DLG2: variants seen among roughly 807,000 people sequenced by gnomAD.
DLG2 encodes discs large MAGUK scaffold protein 2, also known as disks large homolog 2.
Under a neutral mutation model 132.5 loss-of-function variants are expected in DLG2, and 45 were observed. The observed-to-expected ratio is 0.34, with a 90% confidence interval of 0.27 to 0.44. The LOEUF is 0.44. Ranked by LOEUF, DLG2 falls within the 20% of genes least tolerant of loss-of-function variation. The pLI is 1.00. For synonymous variants in DLG2, 424 were observed against 419.6 expected (o/e 1.01, Z -0.13); for missense variants, 1,045 against 1,196.9 (o/e 0.87, Z 1.87).
At chr11:83,832,352 A>T (rs1595105786) in intron 17 of DLG2, among the ~76,000 whole-genome samples, 1 of 152,342 alleles carries the variant, frequency 6.6e-6, no homozygotes, top group East Asian at 1.9e-4. Context: ...ATGTGTGCAT[A>T]CATATCTCCA....
chr11:84,579,714 T>C (rs959043876), intron 6 of DLG2, among the ~76,000 whole-genome samples: 10 of 152,152 alleles, frequency 6.6e-5, no homozygotes, highest in Non-Finnish European at 8.8e-5. Flanking sequence ...TCATAAAGTA[T>C]TGGACAGCCA....
At chr11:85,623,480 T>A (rs937143434) in intron 2 of DLG2, among the ~76,000 whole-genome samples, 1 of 152,124 alleles carries the variant, frequency 6.6e-6, no homozygotes, top group Non-Finnish European at 1.5e-5. Context: ...AATTTTTGTA[T>A]TTTTAGTAGA....
intron 3 of DLG2, among the ~76,000 whole-genome samples, chr11:85,504,765 T>C (rs1270324789): frequency 6.6e-6 from 1 of 152,232 alleles, no homozygotes; most frequent in Non-Finnish European, 1.5e-5. Context: ...CATTGGTAGC[T>C]TGATGGGGAT....
At chr11:85,433,878 C>T (rs1040361285) in intron 3 of DLG2, among the ~76,000 whole-genome samples, 16 of 152,158 alleles carry the variant, frequency 1.1e-4, no homozygotes, top group Non-Finnish European at 1.8e-4. Context: ...CTTCTCAGTG[C>T]CACATGGCAT....
At chr11:84,536,606 G>A (rs921953111) in intron 6 of DLG2, among the ~76,000 whole-genome samples, 8 of 152,008 alleles carry the variant, frequency 5.3e-5, no homozygotes, top group African/African-American at 1.2e-4. Context: ...TCACACTTGC[G>A]CCCATTTTAG....
At chr11:83,780,723 C>A (rs944458068) in intron 18 of DLG2, among the ~76,000 whole-genome samples, 2 of 152,130 alleles carry the variant, frequency 1.3e-5, no homozygotes, top group African/African-American at 2.4e-5. Flanking sequence ...GCGGGGTAGA[C>A]AAAGTAGAGC....
At chr11:85,250,086 G>A (rs1019081791) in intron 4 of DLG2, among the ~76,000 whole-genome samples, 1 of 152,260 alleles carries the variant, frequency 6.6e-6, no homozygotes, top group East Asian at 1.9e-4. Context: ...GCCCAAAGGA[G>A]GGAGTGATTG....
chr11:85,181,391 T>A (rs527475703), intron 4 of DLG2, among the ~76,000 whole-genome samples: 84 of 151,924 alleles, frequency 5.5e-4, no homozygotes, highest in Middle Eastern at 3.4e-3. Context: ...AAAATAGATA[T>A]TTTTAAGTTA....
chr11:83,805,147 T>A (rs2045574374), intron 17 of DLG2, among the ~76,000 whole-genome samples: 1 of 152,130 alleles, frequency 6.6e-6, no homozygotes, highest in African/African-American at 2.4e-5. Context: ...CCTTTCTATT[T>A]TGCAAATAAC....
At chr11:85,416,243 G>T (rs932179232) in intron 3 of DLG2, among the ~76,000 whole-genome samples, 1 of 152,136 alleles carries the variant, frequency 6.6e-6, no homozygotes, top group Non-Finnish European at 1.5e-5. Flanking sequence ...TCAAAGATCA[G>T]ATGGTTGTAG....
intron 6 of DLG2, among the ~76,000 whole-genome samples, chr11:85,085,545 T>G (rs974231040): frequency 5.3e-5 from 8 of 152,160 alleles, no homozygotes; most frequent in Admixed American, 5.2e-4. Context: ...AATATTATAT[T>G]TTTACCAAAT....
At chr11:83,472,247 C>G (rs965939949) in intron 23 of DLG2, among the ~76,000 whole-genome samples, 1 of 152,090 alleles carries the variant, frequency 6.6e-6, no homozygotes, top group African/African-American at 2.4e-5. Context: ...GGGTACAAGT[C>G]CCCATCTGAT....
At chr11:83,574,877 C>G (rs1026522039) in intron 19 of DLG2, among the ~76,000 whole-genome samples, 1 of 152,140 alleles carries the variant, frequency 6.6e-6, no homozygotes, top group African/African-American at 2.4e-5. Context: ...AAATTATTGA[C>G]TAAAGAATGG....
chr11:84,918,434 T>C (rs2092598062), intron 6 of DLG2, among the ~76,000 whole-genome samples: 1 of 152,084 alleles, frequency 6.6e-6, no homozygotes, highest in Admixed American at 6.5e-5. Context: ...GTACTGTTTA[T>C]TAAAGGAAGG....
Position 84,233,065 on chromosome 11 carries a change from G to A in DLG2, c.573+18173C>T, listed in dbSNP as rs531866718. On this transcript the variant is annotated intron_variant, in intron 8 of 27. Coordinates refer to ENST00000376104, the MANE Select transcript of DLG2 (RefSeq NM_001142699.3). ...CTTTCAGTTTCCTTAGCTAAAAAAC[G>A]ATAGCTTCCTCCACAATTTTGAGAA... Among the ~76,000 whole-genome samples, 5 of 152,222 alleles carry A rather than the reference G, an allele frequency of 3.3e-5. No individual in the cohort carries two copies. The East Asian group carries it at 5.8e-4, about 18-fold the overall frequency.
chr11:83,986,984 C>T (rs36175321), intron 11 of DLG2, among the ~76,000 whole-genome samples: 3,380 of 152,094 alleles, frequency 0.022, 67 homozygotes, highest in Middle Eastern at 0.034. Context: ...AAGTAGGTTG[C>T]GAAAATTTTC....
At chr11:83,660,605 C>T (rs2074001884) in intron 18 of DLG2, among the ~76,000 whole-genome samples, 1 of 152,090 alleles carries the variant, frequency 6.6e-6, no homozygotes, top group Non-Finnish European at 1.5e-5. Context: ...CCATTTTCTA[C>T]AAGAAGCACA....
chr11:85,487,690 C>A (rs1423942805), intron 3 of DLG2, among the ~76,000 whole-genome samples: 2 of 151,882 alleles, frequency 1.3e-5, no homozygotes, highest in Non-Finnish European at 2.9e-5. Flanking sequence ...CATAAAATGA[C>A]AAAATTTACA....
chr11:84,226,688 A>C (rs191145238), intron 8 of DLG2, among the ~76,000 whole-genome samples: 50 of 152,334 alleles, frequency 3.3e-4, no homozygotes, highest in Non-Finnish European at 5.1e-4. Context: ...AAATAAAAAC[A>C]ATTTACTACA....
Sources: gnomAD v4.1 joint callset for allele counts (sites outside exome capture counted in the v4.1 genomes callset) on GRCh38, gnomAD v4.1.1 for gene constraint, MANE v1.5 for transcripts, NCBI Gene and HGNC (gene_info 2026-07-23, HGNC 2026-07-21) for gene names.